Variants in KIF26B observed in about 807,000 individuals in gnomAD.
KIF26B encodes kinesin family member 26B.
In KIF26B, 63 loss-of-function variants were observed where a neutral mutation model predicts 151.2. The observed-to-expected ratio is 0.42, with a 90% CI of 0.34 to 0.51. The LOEUF (loss-of-function observed/expected upper bound fraction) is 0.51, where lower values mean the gene tolerates loss of function less well. Ranked by LOEUF, KIF26B falls within the 20% of genes least tolerant of loss-of-function variation. The pLI, the probability that KIF26B is intolerant of heterozygous loss-of-function variation, is 0.07. For synonymous variants in KIF26B, 1,357 were observed against 1,262.1 expected (o/e 1.08, Z -1.59); for missense variants, 2,813 against 2,913.6 (o/e 0.97, Z 0.79).
chr1:245,448,609 T>C (rs1659302377), intron 4 of KIF26B, among the ~76,000 whole-genome samples: 2 of 152,212 alleles, frequency 1.3e-5, no homozygotes, highest in African/African-American at 4.8e-5. Flanking sequence ...GGAATTAACA[T>C]GGACCTTGTG....
chr1:245,195,439 C>T (rs549505691), intron 2 of KIF26B, among the ~76,000 whole-genome samples: 1 of 152,296 alleles, frequency 6.6e-6, no homozygotes, highest in African/African-American at 2.4e-5. Context: ...GTGAGATGCG[C>T]TAGGTGGATT....
At chr1:245,219,520 C>T (rs1669721741) in intron 2 of KIF26B, among the ~76,000 whole-genome samples, 1 of 152,008 alleles carries the variant, frequency 6.6e-6, no homozygotes, top group Admixed American at 6.5e-5. Flanking sequence ...ATCGCTTGAG[C>T]CCAGGGGTTT....
intron 4 of KIF26B, among the ~76,000 whole-genome samples, chr1:245,511,829 T>C (rs1660844148): frequency 6.6e-6 from 1 of 152,170 alleles, no homozygotes. Context: ...TTCCTAAGTA[T>C]TCAGGGAGGA....
chr1:245,307,198 G>C (rs1231084310), intron 2 of KIF26B, among the ~76,000 whole-genome samples: 1 of 152,116 alleles, frequency 6.6e-6, no homozygotes, highest in African/African-American at 2.4e-5. Context: ...CACTTTTTCT[G>C]GGTACAGTTG....
chr1:245,624,894 T>C (rs2043706444), intron 9 of KIF26B, among the ~76,000 whole-genome samples: 1 of 152,224 alleles, frequency 6.6e-6, no homozygotes, highest in African/African-American at 2.4e-5. Context: ...GATCAATTTT[T>C]AGTTAATTTT....
At chr1:245,272,470 GT>G (rs1356557623) in intron 2 of KIF26B, among the ~76,000 whole-genome samples, 3 of 149,678 alleles carry the variant, frequency 2.0e-5, no homozygotes, top group Non-Finnish European at 4.4e-5. Context: ...TCAAGTCTTG[GT>G]TTGGTTGTTT....
intron 10 of KIF26B, among the ~76,000 whole-genome samples, chr1:245,666,879 C>T (rs1196029947): frequency 6.6e-6 from 1 of 152,114 alleles, no homozygotes; most frequent in East Asian, 1.9e-4. Context: ...CCAGACACAG[C>T]TAACAGCGGG....
In KIF26B at chr1:245,357,469, G is replaced by A. The variant is rs183481039; in HGVS notation, c.466-9365G>A. On this transcript the variant is annotated intron_variant, in intron 2 of 14. Transcript: ENST00000407071. ...ATCCCTTCTGGGAGTCAGACTTCGC[G>A]GAAGAGCGGGGCCTTAGGATGAATG... Among the ~76,000 whole-genome samples the A allele has an allele frequency of 2.6e-3, 402 of 152,292 alleles. 2 individuals are homozygous for A. The highest frequency in any genetic ancestry group is 9.4e-3 in the African/African-American group (390 of 41,558).
At chr1:245,430,862 C>T (rs527392536) in intron 4 of KIF26B, among the ~76,000 whole-genome samples, 3 of 152,226 alleles carry the variant, frequency 2.0e-5, no homozygotes, top group Admixed American at 2.0e-4. Context: ...AACTAGTAGG[C>T]AACGCATAGG....
chr1:245,546,211 G>GGT (rs1558208647), intron 5 of KIF26B, among the ~76,000 whole-genome samples: 3 of 151,394 alleles, frequency 2.0e-5, no homozygotes, highest in African/African-American at 7.3e-5. Flanking sequence ...TTTTGGTTTT[G>GGT]TTTTTTTTGT....
At chr1:245,364,121 T>G (rs928869600) in intron 2 of KIF26B, among the ~76,000 whole-genome samples, 3 of 152,188 alleles carry the variant, frequency 2.0e-5, no homozygotes, top group Non-Finnish European at 2.9e-5. Context: ...GTTGTTCTCA[T>G]GCACCCTCAG....
In KIF26B at chr1:245,521,328, G is replaced by A. The variant is rs183970471; in HGVS notation, c.1167-19439G>A. ...CTCCATCCAGCCTGAGTGACAGAGC[G>A]AGACTCCGTCTTAAAAAAAAAAAAA... On this transcript the variant is annotated intron_variant, in intron 4 of 14. Coordinates refer to ENST00000407071, the MANE Select transcript of KIF26B (RefSeq NM_018012.4). Among the ~76,000 whole-genome samples the A allele has an allele frequency of 5.4e-3, 798 of 146,600 alleles. 10 individuals carry two copies. The highest frequency in any genetic ancestry group is 0.019 in the African/African-American group (766 of 40,244).
At chr1:245,288,533 G>A (rs183901459) in intron 2 of KIF26B, among the ~76,000 whole-genome samples, 105 of 152,328 alleles carry the variant, frequency 6.9e-4, no homozygotes, top group African/African-American at 2.5e-3. Context: ...AACATATGCC[G>A]TAAAGATTGG....
intron 2 of KIF26B, among the ~76,000 whole-genome samples, chr1:245,209,212 T>C (rs151319054): frequency 0.013 from 1,940 of 152,034 alleles, 30 homozygotes; most frequent in African/African-American, 0.043. Context: ...CCAGCCTGGC[T>C]AACATGGTGA....
chr1:245,426,271 C>T (rs1451139905), intron 4 of KIF26B, among the ~76,000 whole-genome samples: 3 of 151,768 alleles, frequency 2.0e-5, no homozygotes, highest in Non-Finnish European at 4.4e-5. Context: ...TACCTTTACA[C>T]AGTGTTTTCC....
intron 10 of KIF26B, among the ~76,000 whole-genome samples, chr1:245,670,685 G>A (rs1228323586): frequency 2.0e-5 from 3 of 152,064 alleles, no homozygotes; most frequent in African/African-American, 4.8e-5. Context: ...TGGAATATAC[G>A]TTTCATGGAA....
At chr1:245,607,797 A>G in intron 7 of KIF26B, 53 bp downstream of exon 7, 1 of 1,398,264 alleles carries the variant, frequency 7.2e-7, no homozygotes, top group Non-Finnish European at 1.0e-6. Context: ...CTGTCATCCC[A>G]TGCATTCCTC....
intron 9 of KIF26B, 104 bp from the exon 10 acceptor site, chr1:245,646,017 T>A: frequency 8.0e-7 from 1 of 1,242,438 alleles, no homozygotes; most frequent in Non-Finnish European, 1.1e-6. Flanking sequence ...ACCTTTTACT[T>A]CCCCTTCTCA....
In KIF26B at chr1:245,261,487, CTCTCTCTCTCT is replaced by C. The variant is rs1558365984; in HGVS notation, c.465+104805_465+104815del. 2.8e-3 allele frequency among the ~76,000 whole-genome samples: 340 copies of C among 123,568 alleles called. 2 individuals are homozygous for C. The highest frequency in any genetic ancestry group is 0.011 in the African/African-American group (327 of 30,258). 81.1% of individuals were successfully genotyped at this position (123,568 alleles called of 152,430 possible). A position where few individuals can be genotyped will look rare whatever the true frequency, so the allele number is the denominator to read the frequency against. ...TTTCTTTCTCTCTCTCTCTCTCTCTCTCTCTCTCTCTCTCTCCCTCCCTCCCTCCCTCCCTC... is the reference window on the plus strand; with the variant it reads ...TTTCTTTCTCTCTCTCTCTCTCTCTCCTCTCCCTCCCTCCCTCCCTCCCTC... On this transcript the variant is annotated intron_variant, in intron 2 of 14. Transcript: ENST00000407071.
Sources: gnomAD v4.1 joint callset for allele counts (sites outside exome capture counted in the v4.1 genomes callset) on GRCh38, gnomAD v4.1.1 for gene constraint, MANE v1.5 for transcripts, NCBI Gene and HGNC (gene_info 2026-07-23, HGNC 2026-07-21) for gene names.